The following GPR139 variants were observed in gnomAD, a reference collection of about 807,000 sequenced individuals.
GPR139 encodes the protein probable G protein-coupled receptor 139.
In GPR139, 12 loss-of-function variants were observed where a neutral mutation model predicts 25.8. The observed-to-expected ratio is 0.47, with a 90% CI of 0.30 to 0.75. The LOEUF is 0.75. GPR139 is among the 30% of genes least tolerant of loss of function. The pLI is 0.07. For missense variants in GPR139, 380 were observed against 450.2 expected, an observed-to-expected ratio of 0.84 and a Z score of 1.41; for synonymous variants, 184 against 179.9, an observed-to-expected ratio of 1.02 and a Z score of -0.18.
At chr16:20,066,601 C>CA (rs2057434971) in intron 1 of GPR139, among the ~76,000 whole-genome samples, 2 of 152,200 alleles carry the variant, frequency 1.3e-5, no homozygotes, top group African/African-American at 4.8e-5. Flanking sequence ...AAGGCTTGAG[C>CA]ACGTGGACAT....
At chr16:20,070,268 T>C (rs2057455227) in intron 1 of GPR139, among the ~76,000 whole-genome samples, 1 of 152,158 alleles carries the variant, frequency 6.6e-6, no homozygotes, top group African/African-American at 2.4e-5. Context: ...TGTAATAATA[T>C]AGGTGACAGA....
At chr16:20,072,514 T>G (rs2057463245) in intron 1 of GPR139, among the ~76,000 whole-genome samples, 3 of 152,200 alleles carry the variant, frequency 2.0e-5, no homozygotes, top group Non-Finnish European at 1.5e-5. Flanking sequence ...CCTCTCTGCA[T>G]GCAAGTAATC....
chr16:20,037,869 C>G (rs919633197), intron 1 of GPR139, among the ~76,000 whole-genome samples: 6 of 151,912 alleles, frequency 3.9e-5, no homozygotes, highest in Admixed American at 1.3e-4. Context: ...CTCTTTTTTC[C>G]TTTTTGATGA....
chr16:20,061,303 ACATATGGATGGATAGATG>A (rs1178410962), intron 1 of GPR139, among the ~76,000 whole-genome samples: 14 of 151,398 alleles, frequency 9.2e-5, no homozygotes, highest in Admixed American at 2.0e-4. Flanking sequence ...AGATGCATGG[ACATATGGATGGATAGATG>A]CGTGGATGGA....
rs1429688515 is a variant in GPR139 at position 20,031,832 on chromosome 16, G to T, written c.965C>A (p.Thr322Lys). 6.2e-7 allele frequency: 1 copy of T among 1,614,220 alleles called. No individual in the cohort carries two copies. Among genetic ancestry groups the T allele is most frequent in the South Asian group, 1.1e-5 (1 of 91,080 alleles). The change falls in exon 2 of 2, where the codon ACA (threonine) becomes AAA (lysine). Residue 322 changes from threonine (T) to lysine (K), a missense_variant. Transcript: ENST00000570682. The stretch of plus-strand genomic sequence containing the variant: ...TGCCGGCGAGATCCAGGGGCTACTT[G>T]TTATGGAAAAGTTATGATTGGTGTA... ...QFYTNHNFSITSSPWISPANS... is the reference protein window; with the variant it reads ...QFYTNHNFSIKSSPWISPANS...
intron 1 of GPR139, among the ~76,000 whole-genome samples, chr16:20,043,254 T>C (rs2013877): frequency 0.99 from 150,103 of 152,274 alleles, 74,022 homozygotes; most frequent in Middle Eastern, 1. Flanking sequence ...TTTTTGACCA[T>C]GGACAGCTTC....
intron 1 of GPR139, among the ~76,000 whole-genome samples, chr16:20,058,490 A>T (rs1003986493): frequency 6.6e-6 from 1 of 152,138 alleles, no homozygotes; most frequent in Admixed American, 6.5e-5. Context: ...GGTGGAGGGA[A>T]TAGGGAGAGG....
At chr16:20,039,892 A>G (rs1321224938) in intron 1 of GPR139, among the ~76,000 whole-genome samples, 2 of 152,122 alleles carry the variant, frequency 1.3e-5, no homozygotes, top group Non-Finnish European at 2.9e-5. Flanking sequence ...CTTGAGTTGG[A>G]GCTGGCCCTG....
intron 1 of GPR139, among the ~76,000 whole-genome samples, chr16:20,067,820 A>AAAG: frequency 6.6e-6 from 1 of 151,664 alleles, no homozygotes; most frequent in Admixed American, 6.6e-5. Flanking sequence ...AAAAAAAAAA[A>AAAG]AAAAGCATTG....
chr16:20,072,684 A>G lies in GPR139; in HGVS notation c.127+806T>C, dbSNP rs147570602. Among the ~76,000 whole-genome samples the G allele has an allele frequency of 1.7e-3, 256 of 152,244 alleles. 4 individuals carry two copies. The highest frequency in any genetic ancestry group is 5.9e-3 in the African/African-American group (243 of 41,538). ...GCTCAGCTCTCTTCAGGAATTCAGG[A>G]CAAGTCTCAGCCACACTTTGGAAAG... On this transcript the variant is annotated intron_variant, in intron 1 of 1. Coordinates refer to ENST00000570682, the MANE Select transcript of GPR139 (RefSeq NM_001002911.4).
At chr16:20,071,313 C>T (rs182466066) in intron 1 of GPR139, among the ~76,000 whole-genome samples, 23 of 152,326 alleles carry the variant, frequency 1.5e-4, no homozygotes, top group Admixed American at 9.1e-4. Flanking sequence ...TTGAACCAGC[C>T]TTGTGGGCTG....
rs34538715 is a variant in GPR139, at chr16:20,053,829, CT to C, written c.127+19660del. Among the ~76,000 whole-genome samples, 423 of 150,450 alleles carry C rather than the reference CT, an allele frequency of 2.8e-3. 3 individuals are homozygous for C. The highest frequency in any genetic ancestry group is 6.7e-3 in the African/African-American group (275 of 41,144). On this transcript the variant is annotated intron_variant, in intron 1 of 1. Transcript: ENST00000570682. ...ATTCTAATTTCATTGCTCTCATCTT[CT>C]TTTTTTTTTTTCAGATGAATAGATT... is the stretch of plus-strand genomic sequence containing the variant.
chr16:20,060,884 T>C (rs1490867391), intron 1 of GPR139, among the ~76,000 whole-genome samples: 16 of 152,280 alleles, frequency 1.1e-4, no homozygotes, highest in Non-Finnish European at 1.5e-5. Flanking sequence ...CACTCTTTCC[T>C]TCCATGTCCT....
chr16:20,038,458 G>T (rs1316840375), intron 1 of GPR139, among the ~76,000 whole-genome samples: 1 of 151,170 alleles, frequency 6.6e-6, no homozygotes, highest in East Asian at 2.0e-4. Flanking sequence ...CCATATCGAA[G>T]CTCTTTAAAA....
At chr16:20,051,032 C>T (rs2057369750) in intron 1 of GPR139, among the ~76,000 whole-genome samples, 1 of 133,704 alleles carries the variant, frequency 7.5e-6, no homozygotes, top group South Asian at 2.3e-4. Flanking sequence ...CACTGCTCAC[C>T]AGCCTGGGCA....
intron 1 of GPR139, chr16:20,071,141 A>T (rs989013324): frequency 8.3e-6 from 2 of 240,302 alleles, no homozygotes; most frequent in Non-Finnish European, 6.7e-6. Context: ...GGGGATAGCT[A>T]CCCTCATAAT....
At chr16:20,045,893 G>A (rs1431022080) in intron 1 of GPR139, among the ~76,000 whole-genome samples, 2 of 152,208 alleles carry the variant, frequency 1.3e-5, no homozygotes, top group Non-Finnish European at 2.9e-5. Context: ...TTGGCCAGGG[G>A]ATACTTATTT....
chr16:20,048,491 T>C (rs1324266239), intron 1 of GPR139, among the ~76,000 whole-genome samples: 3 of 152,212 alleles, frequency 2.0e-5, no homozygotes, highest in Non-Finnish European at 4.4e-5. Flanking sequence ...TTCCTTTCAA[T>C]GGCACCGCGT....
At position 20,031,674 on chromosome 16, in the gene GPR139, T is replaced by C. The variant is rs2057289090; in HGVS notation, c.*61A>G. 16 of 1,338,500 alleles carry C rather than the reference T, an allele frequency of 1.2e-5. No homozygotes were observed. The highest frequency in any genetic ancestry group is 5.2e-5 in the Admixed American group (3 of 57,954). The allele number at this position is 1,338,500 out of a possible 1,614,324, so 82.9% of individuals were successfully genotyped here. ...TAAGGAGAGCTGCTCAGCCATAGGA[T>C]GGGACACCTTCCCATCTGGAAATGG... On this transcript the variant is annotated 3_prime_UTR_variant, in exon 2 of 2. Coordinates refer to ENST00000570682, the MANE Select transcript of GPR139 (RefSeq NM_001002911.4).
Sources: allele counts gnomAD v4.1 joint callset (sites outside exome capture counted in the v4.1 genomes callset), GRCh38; gene constraint gnomAD v4.1.1; transcripts MANE v1.5; gene names NCBI Gene and HGNC (gene_info 2026-07-23, HGNC 2026-07-21).